Variants in CBL observed in about 807,000 individuals in gnomAD.
The protein encoded by CBL is Cbl proto-oncogene.
CBL carries 45 observed loss-of-function variants against 96.9 expected under a neutral mutation model. The ratio of observed to expected loss-of-function variants is 0.46; its 90% CI spans 0.37 to 0.60. CBL has a LOEUF of 0.60. Among genes scored for constraint, CBL ranks in the 20% least tolerant of loss-of-function variants. The probability of loss-of-function intolerance (pLI) is 0.00; values close to 1 mark genes in which losing one functional copy is unlikely to be tolerated. For synonymous variants in CBL, 420 were observed against 426.8 expected (o/e 0.98, Z 0.20); for missense variants, 1,024 against 1,143.5 (o/e 0.90, Z 1.51).
chr11:119,207,327 A>G (rs1017255609), intron 1 of CBL, among the ~76,000 whole-genome samples: 1 of 152,222 alleles, frequency 6.6e-6, no homozygotes, highest in Non-Finnish European at 1.5e-5. Context: ...GGTTAGAACT[A>G]TTATCTTCTG....
chr11:119,273,804 T>G, intron 3 of CBL, 64 bp from the exon 4 acceptor site: 1 of 1,431,278 alleles, frequency 7.0e-7, no homozygotes, highest in Non-Finnish European at 9.8e-7. Context: ...TTTCCTTGAT[T>G]ATGGCGATGC....
At chr11:119,278,819 C>A in intron 9 of CBL, 106 bp downstream of exon 9, 1 of 849,954 alleles carries the variant, frequency 1.2e-6, no homozygotes, top group Non-Finnish European at 2.0e-6. Flanking sequence ...GTATTAATAG[C>A]TAATATTTAT....
intron 8 of CBL, 47 bp from the exon 9 acceptor site, chr11:119,278,463 T>G: frequency 6.4e-7 from 1 of 1,563,760 alleles, no homozygotes; most frequent in Non-Finnish European, 8.8e-7. Flanking sequence ...ATTAATATTT[T>G]AAGTATTTTC....
rs538013681 is a variant in CBL, at chr11:119,285,474, C to T, written c.1849C>T (p.Arg617Trp). Residue 617 changes from arginine to tryptophan, a missense_variant, in exon 11 of 16, where the codon CGG (arginine) becomes TGG (tryptophan). This residue lies in a region of CBL where 695 missense variants were observed against 661.6 expected (regional missense o/e 1.05). Transcript: ENST00000264033. ...CTGGACAGGAAGAGAATTAACCAAC[C>T]GGCACTCACTTCCATTTTCATTGCC... ...DPWTGRELTN[R>W]HSLPFSLPSQ... The T allele has an allele frequency of 1.9e-5, 31 of 1,614,004 alleles. No individual in the cohort carries two copies. Among genetic ancestry groups the T allele is most frequent in the Non-Finnish European group, 2.5e-5 (29 of 1,180,000 alleles).
At chr11:119,240,778 AG>A (rs1467695090) in intron 2 of CBL, among the ~76,000 whole-genome samples, 1 of 152,074 alleles carries the variant, frequency 6.6e-6, no homozygotes, top group African/African-American at 2.4e-5. Flanking sequence ...TCTCTATAAG[AG>A]TGTACATAAT....
intron 2 of CBL, among the ~76,000 whole-genome samples, chr11:119,236,079 C>A (rs1490918688): frequency 6.6e-6 from 1 of 151,906 alleles, no homozygotes; most frequent in East Asian, 1.9e-4. Context: ...AATTCACATA[C>A]CATAAAATTT....
intron 2 of CBL, among the ~76,000 whole-genome samples, chr11:119,262,593 C>T (rs1190178521): frequency 1.3e-5 from 2 of 152,198 alleles, no homozygotes; most frequent in Non-Finnish European, 2.9e-5. Context: ...TTTTCCAGTT[C>T]AGTTCTACAA....
At chr11:119,253,836 A>G (rs1457450692) in intron 2 of CBL, among the ~76,000 whole-genome samples, 2 of 69,768 alleles carry the variant, frequency 2.9e-5, no homozygotes, top group African/African-American at 1.3e-4. Context: ...GACCCCATCT[A>G]AAAACAAAAA....
rs973183740 is a variant in CBL, at chr11:119,277,738, G to C, written c.1008-19G>C. The C allele has an allele frequency of 6.3e-7, 1 of 1,582,440 alleles. No homozygotes were observed. The highest frequency in any genetic ancestry group is 8.7e-7 in the Non-Finnish European group (1 of 1,151,362). The stretch of plus-strand genomic sequence containing the variant: ...GCAAATTGGCTTAAATAAAACCCAG[G>C]GTTGGTTACTCTTTACAGCTATTTG... On this transcript the variant is annotated intron_variant, in intron 6 of 15. Transcript: ENST00000264033.
chr11:119,240,575 G>T (rs2135272043), intron 2 of CBL, among the ~76,000 whole-genome samples: 1 of 152,288 alleles, frequency 6.6e-6, no homozygotes, highest in Non-Finnish European at 1.5e-5. Context: ...GCTTGGTATA[G>T]AGCATTTGAT....
chr11:119,278,576 G>T lies in CBL; in HGVS notation c.1294G>T (p.Asp432Tyr), dbSNP rs2135304571. 6.2e-7 allele frequency: 1 copy of T among 1,614,154 alleles called. No individual in the cohort carries two copies. Among genetic ancestry groups the T allele is most frequent in the Non-Finnish European group, 8.5e-7 (1 of 1,180,002 alleles). The change falls in exon 9 of 16, where the codon GAT (aspartate) becomes TAT (tyrosine). Residue 432 changes from aspartate to tyrosine, a missense_variant. This residue lies in a region of CBL where 695 missense variants were observed against 661.6 expected (regional missense o/e 1.05). Transcript: ENST00000264033. Reference sequence around the variant, plus strand: ...TAAAGGTACTGAACCCATCGTGGTAGATCCGTTTGATCCTAGAGGGAGTGG... The same window carrying T: ...TAAAGGTACTGAACCCATCGTGGTATATCCGTTTGATCCTAGAGGGAGTGG... Reference protein sequence around the residue: ...EIKGTEPIVVDPFDPRGSGSL... With the variant: ...EIKGTEPIVVYPFDPRGSGSL...
rs748623739 is a variant in CBL, at chr11:119,244,457, G to T, written c.443+11762G>T. ...TTTTGAGATAAGGTCTCACTCTGCC[G>T]TGCAGGCTGGAGTGCAGTGGCACAA... On this transcript the variant is annotated intron_variant, in intron 2 of 15. Coordinates refer to ENST00000264033, the MANE Select transcript of CBL (RefSeq NM_005188.4). 2.0e-5 allele frequency among the ~76,000 whole-genome samples: 3 copies of T among 150,232 alleles called. No individual in the cohort carries two copies. In the East Asian group the frequency reaches 5.9e-4, roughly 29 times the overall value.
chr11:119,252,292 T>G (rs960831841), intron 2 of CBL, among the ~76,000 whole-genome samples: 7 of 152,174 alleles, frequency 4.6e-5, no homozygotes, highest in African/African-American at 1.4e-4. Flanking sequence ...TAGTGTTTCT[T>G]AACTTGTTTC....
chr11:119,275,855 C>G, intron 5 of CBL, 142 bp from the exon 6 acceptor site: 1 of 851,126 alleles, frequency 1.2e-6, no homozygotes, highest in Non-Finnish European at 2.0e-6. Flanking sequence ...GAGCCAGACT[C>G]CATCTTAAAA....
At chr11:119,265,523 C>G (rs963031438) in intron 2 of CBL, among the ~76,000 whole-genome samples, 8 of 152,120 alleles carry the variant, frequency 5.3e-5, no homozygotes, top group African/African-American at 1.9e-4. Flanking sequence ...ATTATTTCTG[C>G]TAAGGTGTGA....
intron 2 of CBL, among the ~76,000 whole-genome samples, chr11:119,259,722 G>A (rs1214520057): frequency 6.6e-6 from 1 of 152,136 alleles, no homozygotes; most frequent in Non-Finnish European, 1.5e-5. Flanking sequence ...CAAAGATTGG[G>A]TCTCAAAGAG....
intron 1 of CBL, among the ~76,000 whole-genome samples, chr11:119,216,754 G>T (rs1949364165): frequency 6.6e-6 from 1 of 152,086 alleles, no homozygotes; most frequent in Admixed American, 6.6e-5. Context: ...AAAAGATACA[G>T]AACGAAATGT....
At chr11:119,210,603 A>ATTTTTTTT (rs768564444) in intron 1 of CBL, among the ~76,000 whole-genome samples, 3 of 98,654 alleles carry the variant, frequency 3.0e-5, no homozygotes, top group African/African-American at 8.7e-5. Flanking sequence ...TAATTTTTCA[A>ATTTTTTTT]TTTTTTTTTT....
rs1950141927 is a variant in CBL, at chr11:119,306,439, A to G, written c.*6658A>G. On this transcript the variant is annotated 3_prime_UTR_variant, in exon 16 of 16. Coordinates refer to ENST00000264033, the MANE Select transcript of CBL (RefSeq NM_005188.4). ...TCTCCTACATTCTCCTTCTGCCCCT[A>G]AATCAGACAGGAGGCCAGAGAGGAG... 1.8e-5 allele frequency: 7 copies of G among 397,332 alleles called. No homozygotes were observed. 24.6% of individuals were successfully genotyped at this position (397,332 alleles called of 1,614,324 possible).
Sources: allele counts gnomAD v4.1 joint callset (sites outside exome capture counted in the v4.1 genomes callset), GRCh38; gene constraint gnomAD v4.1.1; regional missense constraint gnomAD v4.1.1; transcripts MANE v1.5; gene names NCBI Gene and HGNC (gene_info 2026-07-23, HGNC 2026-07-21).